The following MAGI2 variants were observed in gnomAD, a reference collection of about 807,000 sequenced individuals.
MAGI2 encodes membrane-associated guanylate kinase, WW and PDZ domain-containing protein 2.
Under a neutral mutation model 133.3 loss-of-function variants are expected in MAGI2, and 35 were observed. The ratio of observed to expected loss-of-function variants is 0.26; its 90% CI spans 0.20 to 0.35. MAGI2 has a LOEUF of 0.35. Among genes scored for constraint, MAGI2 ranks in the 10% least tolerant of loss-of-function variants. The pLI is 1.00. For synonymous variants in MAGI2, 729 were observed against 710.6 expected (o/e 1.03, Z -0.41); for missense variants, 1,636 against 1,863.4 (o/e 0.88, Z 2.25).
At chr7:78,339,190 A>G (rs1268267098) in intron 9 of MAGI2, among the ~76,000 whole-genome samples, 4 of 152,222 alleles carry the variant, frequency 2.6e-5, no homozygotes, top group African/African-American at 9.6e-5. Flanking sequence ...GTGCACTGCA[A>G]TGACTATGAA....
chr7:79,011,423 T>C (rs1808075359), intron 1 of MAGI2, among the ~76,000 whole-genome samples: 1 of 152,114 alleles, frequency 6.6e-6, no homozygotes, highest in Admixed American at 6.6e-5. Context: ...GGGAGAAACA[T>C]GCTAGGGTCT....
intron 2 of MAGI2, among the ~76,000 whole-genome samples, chr7:78,688,903 C>T (rs2151115964): frequency 6.6e-6 from 1 of 152,266 alleles, no homozygotes; most frequent in Non-Finnish European, 1.5e-5. Flanking sequence ...GATCCCTGTT[C>T]CCATAATATG....
intron 16 of MAGI2, among the ~76,000 whole-genome samples, chr7:78,143,347 A>T (rs1410880238): frequency 6.6e-6 from 1 of 152,206 alleles, no homozygotes; most frequent in East Asian, 1.9e-4. Flanking sequence ...GTTTGGTATT[A>T]TACTTCCATC....
At chr7:79,399,439 G>A (rs890467844) in intron 1 of MAGI2, among the ~76,000 whole-genome samples, 6 of 152,096 alleles carry the variant, frequency 3.9e-5, no homozygotes, top group South Asian at 2.1e-4. Context: ...TACCAGGACT[G>A]GGGCTTATTT....
intron 3 of MAGI2, among the ~76,000 whole-genome samples, chr7:78,543,535 G>C (rs890396947): frequency 3.3e-5 from 5 of 152,166 alleles, no homozygotes; most frequent in Non-Finnish European, 4.4e-5. Flanking sequence ...CTTTATATGA[G>C]GCCATTCGAA....
intron 1 of MAGI2, among the ~76,000 whole-genome samples, chr7:79,391,534 T>G (rs1165861543): frequency 4.6e-5 from 2 of 43,624 alleles, no homozygotes; most frequent in Non-Finnish European, 7.1e-5. Flanking sequence ...TATATATATA[T>G]ATAGACATAT....
intron 13 of MAGI2, 123 bp downstream of exon 13, chr7:78,185,506 T>C (rs748368891): frequency 4.2e-5 from 27 of 635,410 alleles, no homozygotes; most frequent in Non-Finnish European, 6.4e-5. Context: ...ACATGTTTTA[T>C]GTAGGTGACT....
intron 1 of MAGI2, among the ~76,000 whole-genome samples, chr7:79,019,106 A>G (rs1042019659): frequency 2.6e-5 from 4 of 152,184 alleles, no homozygotes; most frequent in Non-Finnish European, 4.4e-5. Context: ...TCATTTGCAC[A>G]TGACACACAC....
intron 2 of MAGI2, among the ~76,000 whole-genome samples, chr7:78,867,387 G>A (rs1361402815): frequency 6.6e-6 from 1 of 150,928 alleles, no homozygotes; most frequent in Non-Finnish European, 1.5e-5. Flanking sequence ...CATGTCCTTT[G>A]TAGGGACATG....
intron 2 of MAGI2, among the ~76,000 whole-genome samples, chr7:78,954,777 G>T (rs117002191): frequency 0.031 from 4,656 of 152,230 alleles, 100 homozygotes; most frequent in South Asian, 0.062. Flanking sequence ...TATGGTAGTT[G>T]TGATCATTCT....
intron 2 of MAGI2, among the ~76,000 whole-genome samples, chr7:78,853,920 A>G (rs1793396684): frequency 6.6e-6 from 1 of 151,390 alleles, no homozygotes; most frequent in Non-Finnish European, 1.5e-5. Flanking sequence ...TGTCCTGATA[A>G]GGGGACAGAA....
At chr7:78,737,206 T>C (rs1039941119) in intron 2 of MAGI2, among the ~76,000 whole-genome samples, 15 of 152,210 alleles carry the variant, frequency 9.9e-5, no homozygotes, top group African/African-American at 2.7e-4. Context: ...CTTCCCAATA[T>C]ATAAAATCTT....
At chr7:78,175,484 T>C (rs1826504650) in intron 14 of MAGI2, among the ~76,000 whole-genome samples, 2 of 152,166 alleles carry the variant, frequency 1.3e-5, no homozygotes, top group South Asian at 4.1e-4. Context: ...ATCCTTGGCT[T>C]CTACTGTCAC....
At chr7:79,405,971 A>C (rs1845779443) in intron 1 of MAGI2, among the ~76,000 whole-genome samples, 1 of 151,600 alleles carries the variant, frequency 6.6e-6, no homozygotes, top group African/African-American at 2.4e-5. Context: ...TGACAAAATA[A>C]GAATAACTTA....
At chr7:79,442,805 A>G (rs949078783) in intron 1 of MAGI2, among the ~76,000 whole-genome samples, 1 of 151,968 alleles carries the variant, frequency 6.6e-6, no homozygotes, top group Admixed American at 6.6e-5. Context: ...GATTACCGTT[A>G]TCTATGTTCA....
At chr7:78,786,964 G>C (rs2774054) in intron 2 of MAGI2, among the ~76,000 whole-genome samples, 2 of 149,602 alleles carry the variant, frequency 1.3e-5, no homozygotes, top group Non-Finnish European at 3.0e-5. Context: ...TCCTTTTTTT[G>C]TTTTTAGACA....
chr7:78,178,079 C>T lies in MAGI2; in HGVS notation c.2335G>A (p.Val779Ile). ...CCAGACTCCATCCTCCGAAGATGAACATCCAATTCCTTATAATCTGGACCT... is the reference window on the plus strand; with the variant it reads ...CCAGACTCCATCCTCCGAAGATGAATATCCAATTCCTTATAATCTGGACCT... ...SSGPDYKELD[V>I]HLRRMESGFG... Residue 779 changes from valine to isoleucine, a missense_variant, in exon 14 of 22, where the codon GTT (valine) becomes ATT (isoleucine). Val to Ile is a conservative substitution (Grantham distance 29). This residue lies in a region of MAGI2 where 920 missense variants were observed against 1,093.5 expected (regional missense o/e 0.84). Transcript: ENST00000354212. 1 of 1,612,696 alleles carries T rather than the reference C, an allele frequency of 6.2e-7. No homozygotes were observed. Among genetic ancestry groups the T allele is most frequent in the Non-Finnish European group, 8.5e-7 (1 of 1,178,880 alleles).
At chr7:79,305,368 C>G (rs1837708570) in intron 1 of MAGI2, among the ~76,000 whole-genome samples, 1 of 152,102 alleles carries the variant, frequency 6.6e-6, no homozygotes. Context: ...TGTTGAGTAT[C>G]TAACCACATT....
intron 1 of MAGI2, among the ~76,000 whole-genome samples, chr7:79,207,700 A>T (rs1208983215): frequency 6.6e-6 from 1 of 151,956 alleles, no homozygotes; most frequent in East Asian, 1.9e-4. Flanking sequence ...CCTAAAATTC[A>T]TATGGAAAAA....
Sources: allele counts gnomAD v4.1 joint callset (sites outside exome capture counted in the v4.1 genomes callset), GRCh38; gene constraint gnomAD v4.1.1; regional missense constraint gnomAD v4.1.1; transcripts MANE v1.5; gene names NCBI Gene and HGNC (gene_info 2026-07-23, HGNC 2026-07-21).